The following OR6N1 variants were observed in gnomAD, a reference collection of about 807,000 sequenced individuals.
OR6N1 encodes the protein olfactory receptor 6N1.
For synonymous variants in OR6N1, 170 were observed against 150.7 expected (o/e 1.13, Z -0.94); for missense variants, 394 against 371.7 (o/e 1.06, Z -0.49).
the OR6N1 span, among the ~76,000 whole-genome samples, chr1:158,793,466 T>A: frequency 3.3e-5 from 5 of 152,184 alleles, no homozygotes; most frequent in Non-Finnish European, 7.3e-5. Context: ...TATTTTCCCC[T>A]TTAGGATGTG....
intron 1 of OR6N1, among the ~76,000 whole-genome samples, chr1:158,770,455 T>C (rs976829884): frequency 4.6e-5 from 7 of 152,330 alleles, no homozygotes; most frequent in African/African-American, 1.7e-4. Flanking sequence ...CAAAAAATAC[T>C]GATGATTTTC....
chr1:158,785,022 A>G, the OR6N1 span, among the ~76,000 whole-genome samples: 1 of 152,166 alleles, frequency 6.6e-6, no homozygotes, highest in Non-Finnish European at 1.5e-5. Flanking sequence ...CTAAACTGTA[A>G]GCTTTTTGAG....
chr1:158,830,595 A>G, the OR6N1 span, among the ~76,000 whole-genome samples: 1 of 152,056 alleles, frequency 6.6e-6, no homozygotes, highest in African/African-American at 2.4e-5. Context: ...ACTGTTCTTC[A>G]CAGGAAAAAA....
the OR6N1 span, among the ~76,000 whole-genome samples, chr1:158,810,194 A>G: frequency 6.6e-6 from 1 of 152,126 alleles, no homozygotes; most frequent in Non-Finnish European, 1.5e-5. Context: ...ATCAACACCT[A>G]TGTCACTTGA....
chr1:158,788,459 A>G, the OR6N1 span, among the ~76,000 whole-genome samples: 16 of 152,224 alleles, frequency 1.1e-4, no homozygotes, highest in East Asian at 2.5e-3. Context: ...TATATTTTTA[A>G]TATCTTTACT....
At chr1:158,831,991 G>A in the OR6N1 span, among the ~76,000 whole-genome samples, 1 of 152,032 alleles carries the variant, frequency 6.6e-6, no homozygotes. Flanking sequence ...ATTTTAAAAA[G>A]CATAGACATG....
the OR6N1 span, among the ~76,000 whole-genome samples, chr1:158,830,931 A>T: frequency 4.6e-5 from 7 of 152,196 alleles, no homozygotes; most frequent in African/African-American, 1.7e-4. Context: ...ATTTCACAGT[A>T]GACCCACCCC....
the OR6N1 span, among the ~76,000 whole-genome samples, chr1:158,833,512 A>G: frequency 6.6e-6 from 1 of 152,184 alleles, no homozygotes; most frequent in Non-Finnish European, 1.5e-5. Context: ...CTTGGCAAAC[A>G]TCATTCTACC....
chr1:158,785,973 A>G, the OR6N1 span, among the ~76,000 whole-genome samples: 1 of 152,238 alleles, frequency 6.6e-6, no homozygotes, highest in African/African-American at 2.4e-5. Context: ...TAAGACCCCC[A>G]AAAGCAAATG....
At chr1:158,821,301 G>T in the OR6N1 span, among the ~76,000 whole-genome samples, 1 of 152,084 alleles carries the variant, frequency 6.6e-6, no homozygotes, top group African/African-American at 2.4e-5. Flanking sequence ...CAATGAACAT[G>T]TGTCCAATAC....
the OR6N1 span, among the ~76,000 whole-genome samples, chr1:158,782,978 C>T: frequency 5.1e-4 from 78 of 152,162 alleles, 1 homozygote; most frequent in Admixed American, 4.9e-3. Context: ...GTCTGTCTCC[C>T]TCCTACCCAT....
the OR6N1 span, among the ~76,000 whole-genome samples, chr1:158,820,583 A>T: frequency 1.3e-5 from 2 of 152,224 alleles, no homozygotes; most frequent in South Asian, 4.1e-4. Flanking sequence ...TATCATGCCT[A>T]ATAGAACACA....
chr1:158,779,012 G>C, the OR6N1 span, among the ~76,000 whole-genome samples: 9 of 21,472 alleles, frequency 4.2e-4, no homozygotes, highest in Non-Finnish European at 6.4e-4. Context: ...GTGCGAGACT[G>C]CGTCTCAAAA....
At position 158,766,444 on chromosome 1, in the gene OR6N1, T is replaced by C; in HGVS notation, c.239A>G (p.Lys80Arg). The change falls in exon 2 of 2, where the codon AAG (lysine) becomes AGG (arginine). Residue 80 changes from lysine to arginine, a missense_variant. Coordinates refer to ENST00000641846, the MANE Select transcript of OR6N1 (RefSeq NM_001005185.2). The part of the protein sequence containing the change: ...ELGYTAATIP[K>R]MLANLLSEKK... ...CTCACTGAGCAAGTTTGCCAGCATC[T>C]TAGGGATGGTGGCAGCTGTATAGCC... The C allele has an allele frequency of 6.2e-7, 1 of 1,613,796 alleles. No homozygotes were observed. The highest frequency in any genetic ancestry group is 8.5e-7 in the Non-Finnish European group (1 of 1,179,758).
the OR6N1 span, among the ~76,000 whole-genome samples, chr1:158,816,663 T>G: frequency 1.3e-5 from 2 of 152,236 alleles, no homozygotes; most frequent in African/African-American, 4.8e-5. Context: ...CACTCCAGCC[T>G]GGGTGACAGA....
At chr1:158,774,342 C>T (rs1170248302), upstream of OR6N1, 1 of 152,104 alleles carries the variant, frequency 6.6e-6, no homozygotes, top group Non-Finnish European at 1.5e-5. Flanking sequence ...AGTTCATGAA[C>T]CTGCTGAGAT....
the OR6N1 span, among the ~76,000 whole-genome samples, chr1:158,783,576 G>A: frequency 6.6e-6 from 1 of 152,076 alleles, no homozygotes; most frequent in African/African-American, 2.4e-5. Flanking sequence ...TGACCACTCT[G>A]TCTAAACATT....
the OR6N1 span, among the ~76,000 whole-genome samples, chr1:158,801,365 G>A: frequency 6.6e-6 from 1 of 152,046 alleles, no homozygotes; most frequent in Admixed American, 6.6e-5. Context: ...CTAAAGAAAT[G>A]TCCCATCTGT....
the OR6N1 span, among the ~76,000 whole-genome samples, chr1:158,825,699 T>C: frequency 6.6e-6 from 1 of 152,320 alleles, no homozygotes; most frequent in East Asian, 1.9e-4. Flanking sequence ...AGTTCAGTCA[T>C]TGTGAAAAGT....
Sources: gnomAD v4.1 joint callset for allele counts (sites outside exome capture counted in the v4.1 genomes callset) on GRCh38, gnomAD v4.1.1 for gene constraint, MANE v1.5 for transcripts, NCBI Gene and HGNC (gene_info 2026-07-23, HGNC 2026-07-21) for gene names.